FOXP1: variants seen among roughly 807,000 people sequenced by gnomAD.
The protein encoded by FOXP1 is forkhead box P1.
In FOXP1, 15 loss-of-function variants were observed where a neutral mutation model predicts 98.2. The observed-to-expected ratio is 0.15, with a 90% CI of 0.10 to 0.24. FOXP1 has a LOEUF of 0.24. Ranked by LOEUF, FOXP1 falls within the 10% of genes least tolerant of loss-of-function variation. The pLI is 1.00. For missense variants in FOXP1, 633 were observed against 848.5 expected (o/e 0.75, Z 3.15); for synonymous variants, 371 against 314.5 (o/e 1.18, Z -1.90).
chr3:71,535,446 T>C (rs2044212079), intron 2 of FOXP1, among the ~76,000 whole-genome samples: 1 of 152,074 alleles, frequency 6.6e-6, no homozygotes, highest in South Asian at 2.1e-4. Flanking sequence ...GGCTCATGCC[T>C]GGAATCCTAG....
chr3:71,285,577 A>G (rs2072026340), intron 5 of FOXP1, among the ~76,000 whole-genome samples: 1 of 152,226 alleles, frequency 6.6e-6, no homozygotes, highest in African/African-American at 2.4e-5. Flanking sequence ...AAACACTTGT[A>G]AATTCCCTTA....
At chr3:71,268,160 G>A (rs1468176509) in intron 5 of FOXP1, among the ~76,000 whole-genome samples, 4 of 133,406 alleles carry the variant, frequency 3.0e-5, no homozygotes, top group Admixed American at 2.6e-4. Flanking sequence ...GCACGATCTC[G>A]GCTCACTGCA....
intron 4 of FOXP1, among the ~76,000 whole-genome samples, chr3:71,322,626 G>C (rs910503929): frequency 2.0e-5 from 3 of 152,128 alleles, no homozygotes; most frequent in African/African-American, 7.2e-5. Context: ...GTCATCAAGG[G>C]GCATTCGGAG....
intron 4 of FOXP1, among the ~76,000 whole-genome samples, chr3:71,317,197 T>C (rs1375324884): frequency 6.6e-6 from 1 of 152,194 alleles, no homozygotes; most frequent in Non-Finnish European, 1.5e-5. Context: ...TGAAGCATTA[T>C]ACATGCTAAA....
At chr3:71,252,787 A>G (rs2068307276) in intron 5 of FOXP1, among the ~76,000 whole-genome samples, 1 of 152,246 alleles carries the variant, frequency 6.6e-6, no homozygotes, top group South Asian at 2.1e-4. Flanking sequence ...AAATGGTTAC[A>G]CATGTGGCCT....
In FOXP1 at chr3:71,150,678, CTAATT is replaced by C. The variant is rs1171179675; in HGVS notation, c.181-38046_181-38042del. On this transcript the variant is annotated intron_variant, in intron 6 of 20. Transcript: ENST00000649528. ...TTCCCCTTTGTTAAAAAAAAGCACTCTAATTTAAATTAATGAGTTAAGTTTACACT... is the reference window on the plus strand; with the variant it reads ...TTCCCCTTTGTTAAAAAAAAGCACTCTAAATTAATGAGTTAAGTTTACACT... Among the ~76,000 whole-genome samples, 4 of 152,252 alleles carry C rather than the reference CTAATT, an allele frequency of 2.6e-5. No homozygotes were observed. In the East Asian group the frequency reaches 5.8e-4, roughly 22 times the overall value.
At chr3:70,973,551 G>A (rs1650743456) in intron 17 of FOXP1, among the ~76,000 whole-genome samples, 1 of 152,092 alleles carries the variant, frequency 6.6e-6, no homozygotes. Context: ...TTTCCTTTGG[G>A]TTTCAGAAGA....
At chr3:71,259,199 A>G (rs1413784871) in intron 5 of FOXP1, among the ~76,000 whole-genome samples, 1 of 152,186 alleles carries the variant, frequency 6.6e-6, no homozygotes, top group Non-Finnish European at 1.5e-5. Flanking sequence ...CATGGGCATG[A>G]GTGGGCACGG....
chr3:71,455,960 C>T (rs902293820), intron 3 of FOXP1, among the ~76,000 whole-genome samples: 8 of 152,084 alleles, frequency 5.3e-5, no homozygotes, highest in African/African-American at 1.2e-4. Flanking sequence ...TATTAAAACA[C>T]GACTATAATT....
chr3:70,979,577 C>T (rs1032299055), intron 14 of FOXP1, among the ~76,000 whole-genome samples: 8 of 151,140 alleles, frequency 5.3e-5, no homozygotes, highest in Admixed American at 2.0e-4. Context: ...GTAATATTTT[C>T]TCAAACCAGA....
chr3:71,094,230 T>C (rs562651209), intron 7 of FOXP1, among the ~76,000 whole-genome samples: 5 of 152,106 alleles, frequency 3.3e-5, no homozygotes, highest in Non-Finnish European at 4.4e-5. Flanking sequence ...AAGCTATAGT[T>C]GTGGACACTG....
intron 7 of FOXP1, among the ~76,000 whole-genome samples, chr3:71,102,520 A>G (rs1038673605): frequency 6.6e-6 from 1 of 152,192 alleles, no homozygotes; most frequent in African/African-American, 2.4e-5. Flanking sequence ...ACATTTTCCA[A>G]ACTGCTTCTC....
At chr3:71,580,687 G>T in intron 2 of FOXP1, 1 of 596,076 alleles carries the variant, frequency 1.7e-6, no homozygotes, top group Non-Finnish European at 2.1e-6. Context: ...TGGGGGAAAG[G>T]GGATGGAATG....
intron 17 of FOXP1, among the ~76,000 whole-genome samples, chr3:70,975,741 T>G (rs1016814731): frequency 3.3e-5 from 5 of 152,206 alleles, no homozygotes; most frequent in Middle Eastern, 3.4e-3. Flanking sequence ...AATGCAAAAA[T>G]ACAAATGACA....
chr3:71,477,932 A>T (rs1242483835), intron 3 of FOXP1, among the ~76,000 whole-genome samples: 1 of 152,232 alleles, frequency 6.6e-6, no homozygotes, highest in East Asian at 1.9e-4. Context: ...ATCGTTTTAT[A>T]ATTTTGCTAA....
chr3:71,448,711 A>G (rs568856019), intron 3 of FOXP1, among the ~76,000 whole-genome samples: 1 of 152,248 alleles, frequency 6.6e-6, no homozygotes, highest in South Asian at 2.1e-4. Context: ...AGTGTCTACA[A>G]CAAAGATAAT....
At chr3:71,172,446 G>T (rs1377981384) in intron 6 of FOXP1, among the ~76,000 whole-genome samples, 2 of 152,112 alleles carry the variant, frequency 1.3e-5, no homozygotes, top group African/African-American at 4.8e-5. Context: ...ATCCAATAAT[G>T]GTGACACCTA....
Position 70,958,223 on chromosome 3 carries a change from A to G in FOXP1, c.*1024T>C. The G allele has an allele frequency of 2.1e-6, 1 of 479,490 alleles. No homozygotes were observed. The highest frequency in any genetic ancestry group is 4.0e-5 in the East Asian group (1 of 25,104). The allele number at this position is 479,490 out of a possible 1,614,324, so 29.7% of individuals were successfully genotyped here. A position where few individuals can be genotyped will look rare whatever the true frequency, so the allele number is the denominator to read the frequency against. ...AAAAAAAAAAAAGAAAAGAAAAGAA[A>G]AAAAGAAAATCCGAAACACCCCTCC... On this transcript the variant is annotated 3_prime_UTR_variant, in exon 21 of 21. Coordinates refer to ENST00000649528, the MANE Select transcript of FOXP1 (RefSeq NM_001349338.3).
At chr3:71,416,724 C>G (rs527621581) in intron 3 of FOXP1, among the ~76,000 whole-genome samples, 38 of 151,778 alleles carry the variant, frequency 2.5e-4, no homozygotes, top group Non-Finnish European at 4.6e-4. Context: ...AGGCATATTA[C>G]AGGCAGAAGG....
Sources: allele counts gnomAD v4.1 joint callset (sites outside exome capture counted in the v4.1 genomes callset), GRCh38; gene constraint gnomAD v4.1.1; transcripts MANE v1.5; gene names NCBI Gene and HGNC (gene_info 2026-07-23, HGNC 2026-07-21).